SPG21: variants seen among roughly 807,000 people sequenced by gnomAD.
SPG21 encodes SPG21 abhydrolase domain containing, maspardin, also known as maspardin.
A neutral mutation model predicts 38.9 loss-of-function variants in SPG21; 26 were observed. That is an observed-to-expected ratio of 0.67 (90% CI 0.49 to 0.93). SPG21 has a LOEUF of 0.93. SPG21 is among the 40% of genes least tolerant of loss of function. The pLI, the probability that SPG21 is intolerant of heterozygous loss-of-function variation, is 0.00. For missense variants in SPG21, 333 were observed against 376.5 expected (o/e 0.88, Z 0.96); for synonymous variants, 136 against 128.9 (o/e 1.05, Z -0.37).
intron 5 of SPG21, among the ~76,000 whole-genome samples, chr15:64,972,875 A>C (rs1226350931): frequency 2.3e-5 from 3 of 131,092 alleles, no homozygotes; most frequent in Non-Finnish European, 1.8e-5. Context: ...AAAAAAACTA[A>C]AAAATATCAG....
In SPG21 at chr15:64,970,161, G is replaced by T; in HGVS notation, c.514C>A (p.Pro172Thr). ...GCATCAGCCATCATAGGGTCCACCGGGCCAGATGAAAAATTTCCAAGAACT... is the reference window on the plus strand; with the variant it reads ...GCATCAGCCATCATAGGGTCCACCGTGCCAGATGAAAAATTTCCAAGAACT... ...KIVLGNFSSG[P>T]VDPMMADAID... The change falls in exon 6 of 9, where the codon CCG (proline) becomes ACG (threonine). Residue 172 changes from proline (P) to threonine (T), a missense_variant. Transcript: ENST00000204566. The T allele has an allele frequency of 6.2e-7, 1 of 1,614,070 alleles. No homozygotes were observed.
intron 7 of SPG21, among the ~76,000 whole-genome samples, chr15:64,967,775 T>C (rs1053850985): frequency 6.6e-6 from 1 of 151,978 alleles, no homozygotes; most frequent in African/African-American, 2.4e-5. Context: ...CCGGCCTAAT[T>C]TTCTTTATTA....
intron 1 of SPG21, among the ~76,000 whole-genome samples, chr15:64,986,017 AC>A (rs1395457112): frequency 6.6e-6 from 1 of 152,212 alleles, no homozygotes; most frequent in East Asian, 1.9e-4. Context: ...ATTAGTGTGC[AC>A]AGATATATAT....
intron 5 of SPG21, 48 bp from the exon 6 acceptor site, chr15:64,970,270 G>T: frequency 7.0e-7 from 1 of 1,437,074 alleles, no homozygotes; most frequent in Non-Finnish European, 9.8e-7. Flanking sequence ...GACTACACAT[G>T]GCAAATATTC....
At chr15:64,975,285 C>CT in intron 4 of SPG21, among the ~76,000 whole-genome samples, 1 of 133,898 alleles carries the variant, frequency 7.5e-6, no homozygotes, top group South Asian at 2.3e-4. Flanking sequence ...GAGACTCCGT[C>CT]TTAAAAAAAA....
At chr15:64,983,362 G>A (rs1391629252) in intron 2 of SPG21, 145 bp downstream of exon 2, 1 of 634,950 alleles carries the variant, frequency 1.6e-6, no homozygotes, top group African/African-American at 1.8e-5. Context: ...GACAGGGAAG[G>A]AGTGAACTTA....
chr15:64,979,010 G>A (rs1007026181), intron 3 of SPG21, among the ~76,000 whole-genome samples: 4 of 152,288 alleles, frequency 2.6e-5, no homozygotes, highest in Admixed American at 2.6e-4. Flanking sequence ...AAATTAAAAA[G>A]ATCTGTGCAT....
intron 5 of SPG21, among the ~76,000 whole-genome samples, chr15:64,971,115 C>T (rs535629079): frequency 1.3e-5 from 2 of 152,202 alleles, no homozygotes; most frequent in East Asian, 3.9e-4. Context: ...GGCTGAAGTG[C>T]AGTATTGTGA....
At position 64,965,417 on chromosome 15, in the gene SPG21, A is replaced by G; in HGVS notation, c.713T>C (p.Met238Thr). 6.2e-7 allele frequency: 1 copy of G among 1,614,118 alleles called. No individual in the cohort carries two copies. The highest frequency in any genetic ancestry group is 8.5e-7 in the Non-Finnish European group (1 of 1,180,034). ...TCGGGCATTAGGATACAGCTTGTAC[A>G]TTTCTTCTTTAGCTTCAGTTGAAAG... ...SALSTEAKEE[M>T]YKLYPNARRA... Residue 238 changes from methionine (M) to threonine (T), a missense_variant, in exon 8 of 9, where the codon ATG becomes ACG. Transcript: ENST00000204566.
At chr15:64,971,342 A>G (rs1279437064) in intron 5 of SPG21, among the ~76,000 whole-genome samples, 3 of 151,826 alleles carry the variant, frequency 2.0e-5, no homozygotes. Flanking sequence ...GATTGAGACC[A>G]TCCTGGCTAA....
intron 7 of SPG21, among the ~76,000 whole-genome samples, chr15:64,968,923 A>G (rs2085604314): frequency 6.6e-6 from 1 of 152,084 alleles, no homozygotes. Flanking sequence ...TTTTTAATAA[A>G]TACAGACAGG....
intron 4 of SPG21, 28 bp downstream of exon 4, chr15:64,976,447 T>A: frequency 6.7e-7 from 1 of 1,493,162 alleles, no homozygotes; most frequent in Non-Finnish European, 9.3e-7. Flanking sequence ...AAAAATTGTA[T>A]GTATGTAATT....
chr15:64,966,671 G>A (rs6494505), intron 7 of SPG21, among the ~76,000 whole-genome samples: 75,198 of 151,930 alleles, frequency 0.49, 19,516 homozygotes, highest in East Asian at 0.85. Flanking sequence ...AGGCTGAGGC[G>A]GGCAGATCAT....
intron 8 of SPG21, among the ~76,000 whole-genome samples, chr15:64,964,221 C>T (rs1458976624): frequency 4.6e-5 from 7 of 152,162 alleles, no homozygotes; most frequent in South Asian, 2.1e-4. Context: ...TTTGAAACCA[C>T]ATTTGGGATC....
chr15:64,984,567 G>A (rs2085950582), intron 1 of SPG21, among the ~76,000 whole-genome samples: 1 of 152,004 alleles, frequency 6.6e-6, no homozygotes, highest in Non-Finnish European at 1.5e-5. Flanking sequence ...TGCCTGCACT[G>A]GTCTCGAATT....
At chr15:64,966,899 AAAAAAAC>A (rs2085550530) in intron 7 of SPG21, among the ~76,000 whole-genome samples, 1 of 9,904 alleles carries the variant, frequency 1.0e-4, no homozygotes, top group African/African-American at 3.4e-4. Flanking sequence ...ACTTTGTCTC[AAAAAAAC>A]AAAAACAAAA....
chr15:64,974,730 A>C lies in SPG21; in HGVS notation c.324T>G (p.Ala108=). The change falls in exon 5 of 9, where the codon GCT becomes GCG. Residue 108 remains alanine, a synonymous_variant. Coordinates refer to ENST00000204566, the MANE Select transcript of SPG21 (RefSeq NM_016630.7). ...TCTGGGCCAAAAAGCCTCCCAAAGA[A>C]GCGCCAAAAAGATGAACCTAATTAT... The part of the protein sequence containing the change: ...LQLDKVHLFG[A]SLGGFLAQKF... 3 of 1,614,168 alleles carry C rather than the reference A, an allele frequency of 1.9e-6. No individual in the cohort carries two copies. Among genetic ancestry groups the C allele is most frequent in the Non-Finnish European group, 2.5e-6 (3 of 1,180,014 alleles).
At chr15:64,973,501 G>C (rs1364999658) in intron 5 of SPG21, among the ~76,000 whole-genome samples, 3 of 151,998 alleles carry the variant, frequency 2.0e-5, no homozygotes, top group African/African-American at 7.2e-5. Flanking sequence ...GCCTAGGCTG[G>C]AGTGCAATGG....
rs35446656 is a variant in SPG21, at chr15:64,975,287, T to TA, written c.307-541dup. 3.8e-3 allele frequency among the ~76,000 whole-genome samples: 306 copies of TA among 80,386 alleles called. 2 individuals carry two copies. Among genetic ancestry groups the TA allele is most frequent in the African/African-American group, 0.014 (255 of 18,730 alleles). The allele number at this position is 80,386 out of a possible 152,430, so 52.7% of individuals were successfully genotyped here. A position where few individuals can be genotyped will look rare whatever the true frequency, so the allele number is the denominator to read the frequency against. On this transcript the variant is annotated intron_variant, in intron 4 of 8. Transcript: ENST00000204566. ...TGGGCAACAGAGCGAGACTCCGTCT[T>TA]AAAAAAAAAAAAAAAAAGAAAAGAA... is the stretch of plus-strand genomic sequence containing the variant.
Sources: allele counts gnomAD v4.1 joint callset (sites outside exome capture counted in the v4.1 genomes callset), GRCh38; gene constraint gnomAD v4.1.1; transcripts MANE v1.5; gene names NCBI Gene and HGNC (gene_info 2026-07-23, HGNC 2026-07-21).